The following TRAF3 variants were observed in gnomAD, a reference collection of about 807,000 sequenced individuals.
TRAF3 encodes the protein TNF receptor-associated factor 3.
TRAF3 carries 13 observed loss-of-function variants against 62.3 expected under a neutral mutation model. That is an observed-to-expected ratio of 0.21 (90% CI 0.14 to 0.33). TRAF3 has a LOEUF of 0.33. Ranked by LOEUF, TRAF3 falls within the 10% of genes least tolerant of loss-of-function variation. The pLI is 1.00. For synonymous variants in TRAF3, 269 were observed against 283.4 expected (o/e 0.95, Z 0.51); for missense variants, 440 against 741.8 (o/e 0.59, Z 4.73).
chr14:102,871,995 T>C, intron 4 of TRAF3, 27 bp downstream of exon 4: 1 of 1,608,728 alleles, frequency 6.2e-7, no homozygotes, highest in South Asian at 1.1e-5. Flanking sequence ...TTTAATCATT[T>C]TGTCACATGT....
chr14:102,838,398 A>G (rs1886158131), intron 2 of TRAF3, among the ~76,000 whole-genome samples: 2 of 152,150 alleles, frequency 1.3e-5, no homozygotes, highest in South Asian at 2.1e-4. Flanking sequence ...TTCAGGAGGT[A>G]AGGTCAGTTT....
At chr14:102,841,953 A>G (rs1328943386) in intron 2 of TRAF3, among the ~76,000 whole-genome samples, 1 of 152,206 alleles carries the variant, frequency 6.6e-6, no homozygotes, top group African/African-American at 2.4e-5. Flanking sequence ...AATATATACA[A>G]TATATAAAAT....
intron 2 of TRAF3, among the ~76,000 whole-genome samples, chr14:102,831,202 A>T (rs551820141): frequency 6.6e-6 from 1 of 152,260 alleles, no homozygotes; most frequent in East Asian, 1.9e-4. Flanking sequence ...CAATGGTGCT[A>T]TGTGACTGCT....
At position 102,910,434 on chromosome 14, in the gene TRAF3, T is replaced by C. The variant is rs1305772517; in HGVS notation, c.*4650T>C. 5 of 152,222 alleles carry C rather than the reference T, an allele frequency of 3.3e-5. No homozygotes were observed. The highest frequency in any genetic ancestry group is 5.9e-5 in the Non-Finnish European group (4 of 68,054). The allele number at this position is 152,222 out of a possible 1,614,324, so 9.4% of individuals were successfully genotyped here. On this transcript the variant is annotated 3_prime_UTR_variant, in exon 12 of 12. Coordinates refer to ENST00000392745, the MANE Select transcript of TRAF3 (RefSeq NM_145725.3). Reference sequence around the variant, plus strand: ...TTTGCAAATCTCAGTAGCTCTGTTTTCTCCAAAGTAGAATGTGCGCACCGG... The same window carrying C: ...TTTGCAAATCTCAGTAGCTCTGTTTCCTCCAAAGTAGAATGTGCGCACCGG...
At position 102,870,574 on chromosome 14, in the gene TRAF3, C is replaced by T. The variant is rs576570767; in HGVS notation, c.245+128C>T. On this transcript the variant is annotated intron_variant, in intron 3 of 11. Transcript: ENST00000392745. Reference sequence around the variant, plus strand: ...CCCTAAAGAAGTCCATAAAAGCCTCCGGGCCCAGCTTGTGAATCCTTTAGG... The same window carrying T: ...CCCTAAAGAAGTCCATAAAAGCCTCTGGGCCCAGCTTGTGAATCCTTTAGG... 103 of 1,308,346 alleles carry T rather than the reference C, an allele frequency of 7.9e-5. No homozygotes were observed. The South Asian group carries it at 8.5e-4, about 11-fold the overall frequency. The allele number at this position is 1,308,346 out of a possible 1,614,324, so 81.0% of individuals were successfully genotyped here.
At chr14:102,900,889 A>G (rs1348137013) in intron 10 of TRAF3, among the ~76,000 whole-genome samples, 1 of 152,180 alleles carries the variant, frequency 6.6e-6, no homozygotes, top group Non-Finnish European at 1.5e-5. Flanking sequence ...TTTCTGTACA[A>G]TTCCATACCT....
At chr14:102,890,100 G>A (rs746744654) in intron 8 of TRAF3, among the ~76,000 whole-genome samples, 5 of 152,210 alleles carry the variant, frequency 3.3e-5, no homozygotes, top group African/African-American at 1.2e-4. Flanking sequence ...TGACCCCAAC[G>A]GGGGACAGAC....
intron 1 of TRAF3, among the ~76,000 whole-genome samples, chr14:102,797,064 G>A (rs1898131612): frequency 1.3e-5 from 2 of 152,338 alleles, no homozygotes; most frequent in Non-Finnish European, 2.9e-5. Context: ...AGGGTAGTAG[G>A]CAAGGCGGGA....
At chr14:102,792,718 C>T (rs1897871161) in intron 1 of TRAF3, among the ~76,000 whole-genome samples, 1 of 152,010 alleles carries the variant, frequency 6.6e-6, no homozygotes, top group Non-Finnish European at 1.5e-5. Flanking sequence ...CCCTTGCATT[C>T]CTGGGATAAA....
chr14:102,803,940 G>C (rs80130019), intron 1 of TRAF3, among the ~76,000 whole-genome samples: 1 of 152,224 alleles, frequency 6.6e-6, no homozygotes, highest in African/African-American at 2.4e-5. Flanking sequence ...GCTGGCGCCT[G>C]TAATCCCAGC....
intron 1 of TRAF3, among the ~76,000 whole-genome samples, chr14:102,823,552 G>A (rs1477402158): frequency 2.6e-5 from 4 of 152,198 alleles, no homozygotes; most frequent in Admixed American, 2.6e-4. Context: ...GTTTTGACTA[G>A]TGAGAAGCTT....
At chr14:102,890,870 C>G (rs906912620) in intron 8 of TRAF3, among the ~76,000 whole-genome samples, 25 of 152,266 alleles carry the variant, frequency 1.6e-4, no homozygotes, top group South Asian at 1.5e-3. Context: ...CTTTTGAATC[C>G]TGCTTTGCTT....
chr14:102,892,964 CTT>C (rs373251828), intron 9 of TRAF3, among the ~76,000 whole-genome samples: 118 of 152,222 alleles, frequency 7.8e-4, no homozygotes, highest in African/African-American at 2.6e-3. Flanking sequence ...ACCTAGGAAT[CTT>C]TTTTTTCCCT....
At chr14:102,879,253 G>A (rs1888901002) in intron 6 of TRAF3, among the ~76,000 whole-genome samples, 1 of 152,118 alleles carries the variant, frequency 6.6e-6, no homozygotes, top group South Asian at 2.1e-4. Context: ...CCATCATCCA[G>A]TTCCTGGTAG....
chr14:102,892,047 C>CTTT (rs778938323), intron 9 of TRAF3, among the ~76,000 whole-genome samples: 11 of 121,446 alleles, frequency 9.1e-5, no homozygotes, highest in Non-Finnish European at 1.3e-4. Flanking sequence ...CCATGCTGTT[C>CTTT]TTTTTTTTTT....
At chr14:102,881,015 C>T (rs142325318) in intron 6 of TRAF3, among the ~76,000 whole-genome samples, 114 of 152,250 alleles carry the variant, frequency 7.5e-4, no homozygotes, top group African/African-American at 2.6e-3. Flanking sequence ...ATCGCTTGAA[C>T]TCAGGAGGCG....
Position 102,905,162 on chromosome 14 carries a change from C to T in TRAF3, c.1136-51C>T, listed in dbSNP as rs545481923. ...GCTGGTGCAGCTTTGCTTTCCTAAC[C>T]TCTCTGACGTTCACCTGTCTCATTC... On this transcript the variant is annotated intron_variant, in intron 11 of 11. Coordinates refer to ENST00000392745, the MANE Select transcript of TRAF3 (RefSeq NM_145725.3). 77 of 1,559,514 alleles carry T rather than the reference C, an allele frequency of 4.9e-5. 1 individual carries two copies. The Middle Eastern group carries it at 8.4e-4, about 17-fold the overall frequency.
At chr14:102,786,328 TA>T (rs1897501039) in intron 1 of TRAF3, among the ~76,000 whole-genome samples, 1 of 152,164 alleles carries the variant, frequency 6.6e-6, no homozygotes, top group Non-Finnish European at 1.5e-5. Context: ...ACTATACACT[TA>T]AAATGATTAC....
At chr14:102,854,359 A>T (rs1887234797) in intron 2 of TRAF3, among the ~76,000 whole-genome samples, 1 of 152,198 alleles carries the variant, frequency 6.6e-6, no homozygotes, top group South Asian at 2.1e-4. Context: ...GAACTGCCAG[A>T]TTGTTTCCAC....
Sources: allele counts gnomAD v4.1 joint callset (sites outside exome capture counted in the v4.1 genomes callset), GRCh38; gene constraint gnomAD v4.1.1; transcripts MANE v1.5; gene names NCBI Gene and HGNC (gene_info 2026-07-23, HGNC 2026-07-21).